SUN1: variants seen among roughly 807,000 people sequenced by gnomAD.
SUN1 encodes Sad1 and UNC84 domain containing 1, also known as SUN domain-containing protein 1.
In SUN1, 61 loss-of-function variants were observed where a neutral mutation model predicts 103.2. The observed-to-expected ratio is 0.59, with a 90% CI of 0.48 to 0.73. The LOEUF (loss-of-function observed/expected upper bound fraction) is 0.73, where lower values mean the gene tolerates loss of function less well. SUN1 is among the 30% of genes least tolerant of loss of function. The pLI is 0.00. For synonymous variants in SUN1, 490 were observed against 425.7 expected, an observed-to-expected ratio of 1.15 and a Z score of -1.86; for missense variants, 1,052 against 1,034.6, an observed-to-expected ratio of 1.02 and a Z score of -0.23.
Position 852,003 on chromosome 7 carries a change from G to A in SUN1, c.811G>A (p.Val271Ile). ...GCTGGGGATTGGATGGTACCAGTTT[G>A]TTACTTTGATTTCTTGGCTGAATGT... ...WWLGIGWYQFVTLISWLNVFL... is the reference protein window; with the variant it reads ...WWLGIGWYQFITLISWLNVFL... Residue 271 changes from valine (V) to isoleucine (I), a missense_variant, in exon 7 of 19, where the codon GTT becomes ATT. Val to Ile is a conservative substitution (Grantham distance 29). Around this residue, in one of 2 missense-constraint regions of SUN1, gnomAD observed 846 missense variants for 774.5 expected, o/e 1.09. Coordinates refer to ENST00000401592, the MANE Select transcript of SUN1 (RefSeq NM_001130965.3). 1 of 1,614,148 alleles carries A rather than the reference G, an allele frequency of 6.2e-7. No individual in the cohort carries two copies. Among genetic ancestry groups the A allele is most frequent in the Non-Finnish European group, 8.5e-7 (1 of 1,180,018 alleles).
At chr7:872,618 C>A (rs2128603308) in intron 18 of SUN1, 56 bp downstream of exon 18, 1 of 1,377,408 alleles carries the variant, frequency 7.3e-7, no homozygotes, top group Non-Finnish European at 1.0e-6. Flanking sequence ...CTTCTCGTGA[C>A]AGCAGGGCCC....
chr7:828,267 G>GT (rs61451310), upstream of SUN1, among the ~76,000 whole-genome samples: 10 of 149,306 alleles, frequency 6.7e-5, no homozygotes, highest in South Asian at 4.3e-4. Context: ...TTTGTTTTTT[G>GT]TTTTTGTTTT....
At chr7:865,551 G>A (rs893713248) in intron 15 of SUN1, among the ~76,000 whole-genome samples, 4 of 152,240 alleles carry the variant, frequency 2.6e-5, no homozygotes, top group Non-Finnish European at 5.9e-5. Flanking sequence ...CACAAAGATA[G>A]AAGTGCAGGT....
Position 856,375 on chromosome 7 carries a change from A to G in SUN1, c.1368A>G (p.Leu456=). ...CTTTTTAGGCCATCCAGAAGGAACTAGAACAGACCAAGCAAAAAACAATCA... is the reference window on the plus strand; with the variant it reads ...CTTTTTAGGCCATCCAGAAGGAACTGGAACAGACCAAGCAAAAAACAATCA... ...REKSEAIQKE[L]EQTKQKTISA... Residue 456 remains leucine, a synonymous_variant, in exon 12 of 19, where the codon CTA becomes CTG. Coordinates refer to ENST00000401592, the MANE Select transcript of SUN1 (RefSeq NM_001130965.3). 1 of 1,614,188 alleles carries G rather than the reference A, an allele frequency of 6.2e-7. No homozygotes were observed.
chr7:845,798 A>G (rs1814993031), intron 5 of SUN1, among the ~76,000 whole-genome samples: 1 of 152,186 alleles, frequency 6.6e-6, no homozygotes, highest in African/African-American at 2.4e-5. Flanking sequence ...GCTAATGATA[A>G]TAGTTGAGTG....
Position 838,873 on chromosome 7 carries a change from G to T in SUN1, c.153G>T (p.Met51Ile). The T allele has an allele frequency of 6.2e-7, 1 of 1,601,608 alleles. No individual in the cohort carries two copies. Reference sequence around the variant, plus strand: ...ACCCTGTATTTGATTCTCCACGGATGTCCCGCCGTAGTTTGCGCCTGGCCA... The same window carrying T: ...ACCCTGTATTTGATTCTCCACGGATTTCCCGCCGTAGTTTGCGCCTGGCCA... Reference protein sequence around the residue: ...KLDPVFDSPRMSRRSLRLATT... With the variant: ...KLDPVFDSPRISRRSLRLATT... The change falls in exon 2 of 19, where the codon ATG becomes ATT. Residue 51 changes from methionine to isoleucine, a missense_variant. Met to Ile is a conservative substitution (Grantham distance 10). This residue lies in a region of SUN1 where 846 missense variants were observed against 774.5 expected (regional missense o/e 1.09). Transcript: ENST00000401592.
intron 1 of SUN1, among the ~76,000 whole-genome samples, chr7:820,093 T>G (rs1357111059): frequency 6.6e-6 from 1 of 152,240 alleles, no homozygotes; most frequent in Non-Finnish European, 1.5e-5. Flanking sequence ...AAGATCAGTT[T>G]TTCCATATTT....
chr7:850,156 T>G, intron 5 of SUN1: 1 of 900,610 alleles, frequency 1.1e-6, no homozygotes, highest in Admixed American at 2.6e-5. Flanking sequence ...AGGAATAGTA[T>G]TAACTTTGGT....
At chr7:828,458 G>A (rs1794899484), upstream of SUN1, among the ~76,000 whole-genome samples, 2 of 151,914 alleles carry the variant, frequency 1.3e-5, no homozygotes, top group South Asian at 4.2e-4. Flanking sequence ...ATTTAGTAGA[G>A]ACGGGGTTTC....
chr7:841,928 G>GT lies in SUN1; in HGVS notation c.267-9dup, dbSNP rs535135658. 2.4e-3 allele frequency: 3,771 copies of GT among 1,544,180 alleles called. 4 individuals carry two copies. The highest frequency in any genetic ancestry group is 2.6e-3 in the Non-Finnish European group (2,944 of 1,126,546). ...GCTAGAAAAGATCTATAAACTTGCT[G>GT]TTTTTTTTTCTTCTTAGAACAACAA... On this transcript the variant is annotated splice_polypyrimidine_tract_variant and intron_variant, in intron 2 of 18. Transcript: ENST00000401592.
intron 7 of SUN1, chr7:852,294 C>G (rs561917590): frequency 1.3e-5 from 8 of 595,368 alleles, no homozygotes; most frequent in South Asian, 8.3e-5. Flanking sequence ...ATGGGGGACC[C>G]AGGTCCAGGC....
rs1843004607 is a variant in SUN1 at position 873,473 on chromosome 7, G to C, written c.*142G>C. 7 of 861,220 alleles carry C rather than the reference G, an allele frequency of 8.1e-6. No individual in the cohort carries two copies. Among genetic ancestry groups the C allele is most frequent in the Non-Finnish European group, 1.3e-5 (7 of 559,064 alleles). 53.3% of individuals were successfully genotyped at this position (861,220 alleles called of 1,614,324 possible). The stretch of plus-strand genomic sequence containing the variant: ...AACGTGGCTGCTGGCCAGAGGACGT[G>C]AGCGTGTGACGGGCGCCTTGGCGCC... On this transcript the variant is annotated 3_prime_UTR_variant, in exon 19 of 19. Coordinates refer to ENST00000401592, the MANE Select transcript of SUN1 (RefSeq NM_001130965.3).
At chr7:855,965 G>A (rs532489331) in intron 11 of SUN1, among the ~76,000 whole-genome samples, 2 of 152,214 alleles carry the variant, frequency 1.3e-5, no homozygotes, top group Non-Finnish European at 2.9e-5. Context: ...TGGGGCTGAC[G>A]CTGGTGCTCA....
intron 5 of SUN1, among the ~76,000 whole-genome samples, chr7:845,573 C>G (rs1008569640): frequency 2.6e-5 from 4 of 152,052 alleles, no homozygotes; most frequent in Admixed American, 1.3e-4. Context: ...AATTTCCCCT[C>G]TGCATACTTA....
intron 3 of SUN1, chr7:842,474 T>A (rs1355525184): frequency 4.1e-6 from 1 of 246,498 alleles, no homozygotes; most frequent in Non-Finnish European, 8.5e-6. Context: ...AATGCATTAC[T>A]TTTGTAGGAT....
chr7:848,284 G>C (rs1262393676), intron 5 of SUN1: 1 of 768,772 alleles, frequency 1.3e-6, no homozygotes, highest in African/African-American at 1.9e-5. Flanking sequence ...TGCCAGCTGG[G>C]CTCTTCCCCA....
At chr7:848,290 C>T (rs1818492239) in intron 5 of SUN1, 1 of 835,048 alleles carries the variant, frequency 1.2e-6, no homozygotes, top group African/African-American at 1.8e-5. Flanking sequence ...CTGGGCTCTT[C>T]CCCAAGTGAT....
chr7:872,749 G>A (rs1165104933), intron 18 of SUN1, among the ~76,000 whole-genome samples, 187 bp downstream of exon 18: 4 of 152,286 alleles, frequency 2.6e-5, no homozygotes, highest in South Asian at 4.1e-4. Flanking sequence ...AGTTTTACCC[G>A]TGCTTCATGC....
chr7:836,492 A>G (rs772859017), intron 1 of SUN1, among the ~76,000 whole-genome samples: 1 of 152,222 alleles, frequency 6.6e-6, no homozygotes, highest in African/African-American at 2.4e-5. Flanking sequence ...CAGAGGCCCA[A>G]GACCCAGGAG....
Sources: allele counts gnomAD v4.1 joint callset (sites outside exome capture counted in the v4.1 genomes callset), GRCh38; gene constraint gnomAD v4.1.1; regional missense constraint gnomAD v4.1.1; transcripts MANE v1.5; gene names NCBI Gene and HGNC (gene_info 2026-07-23, HGNC 2026-07-21).